The following AUTS2 variants were observed in gnomAD, a reference collection of about 807,000 sequenced individuals.
AUTS2 encodes activator of transcription and developmental regulator AUTS2.
AUTS2 carries 17 observed loss-of-function variants against 112.4 expected under a neutral mutation model. The observed-to-expected ratio is 0.15, with a 90% CI of 0.10 to 0.23. The LOEUF (loss-of-function observed/expected upper bound fraction) is 0.23, where lower values mean the gene tolerates loss of function less well. AUTS2 is among the 10% of genes least tolerant of loss of function. The probability of loss-of-function intolerance (pLI) is 1.00; values close to 1 mark genes in which losing one functional copy is unlikely to be tolerated. For missense variants in AUTS2, 1,510 were observed against 1,701.6 expected, an observed-to-expected ratio of 0.89 and a Z score of 1.98; for synonymous variants, 751 against 702.7, an observed-to-expected ratio of 1.07 and a Z score of -1.09.
chr7:70,630,146 G>A (rs1234147058), intron 5 of AUTS2, among the ~76,000 whole-genome samples: 5 of 152,264 alleles, frequency 3.3e-5, no homozygotes, highest in Admixed American at 6.5e-5. Flanking sequence ...CCTCCTCTGC[G>A]TGTGCCAGGA....
chr7:69,978,474 T>C (rs1045665612), intron 2 of AUTS2, among the ~76,000 whole-genome samples: 3 of 152,324 alleles, frequency 2.0e-5, no homozygotes, highest in African/African-American at 7.2e-5. Flanking sequence ...GATACTGAAT[T>C]AAGTGCAGGA....
intron 4 of AUTS2, among the ~76,000 whole-genome samples, chr7:70,272,208 A>C (rs1787725628): frequency 6.6e-6 from 1 of 151,984 alleles, no homozygotes. Context: ...TCAAAACCAA[A>C]CCAAGGGAAG....
chr7:70,143,726 A>G (rs1014580797), intron 4 of AUTS2, among the ~76,000 whole-genome samples: 1 of 152,182 alleles, frequency 6.6e-6, no homozygotes, highest in Non-Finnish European at 1.5e-5. Flanking sequence ...TTTCAAGTAG[A>G]AACATTGCCA....
At chr7:70,150,899 A>C (rs1807397272) in intron 4 of AUTS2, among the ~76,000 whole-genome samples, 1 of 152,272 alleles carries the variant, frequency 6.6e-6, no homozygotes, top group Non-Finnish European at 1.5e-5. Flanking sequence ...CAACCAAAAC[A>C]AAAGATAAAA....
At chr7:69,608,481 T>G (rs771749976) in intron 1 of AUTS2, among the ~76,000 whole-genome samples, 4 of 152,224 alleles carry the variant, frequency 2.6e-5, no homozygotes, top group Non-Finnish European at 4.4e-5. Context: ...TCTTAGTTGT[T>G]ATGTTGAAGT....
At chr7:70,195,802 T>C (rs918909975) in intron 4 of AUTS2, among the ~76,000 whole-genome samples, 14 of 152,178 alleles carry the variant, frequency 9.2e-5, no homozygotes, top group African/African-American at 2.9e-4. Context: ...TCTCTCTCAA[T>C]CCTAAAATAC....
intron 4 of AUTS2, among the ~76,000 whole-genome samples, chr7:70,358,225 A>G (rs1444298751): frequency 6.6e-6 from 1 of 152,224 alleles, no homozygotes; most frequent in Admixed American, 6.5e-5. Context: ...TTGTTGATCT[A>G]GATGGACAGA....
In AUTS2 at chr7:70,791,605, T is replaced by C. The variant is rs1047088159; in HGVS notation, c.*609T>C. ...ACAGCTAAACCCTTCAACTATGCAATGAATGTTCGGGCTTTTCACAAAAGC... is the reference window on the plus strand; with the variant it reads ...ACAGCTAAACCCTTCAACTATGCAACGAATGTTCGGGCTTTTCACAAAAGC... On this transcript the variant is annotated 3_prime_UTR_variant, in exon 19 of 19. Transcript: ENST00000342771. The C allele has an allele frequency of 6.5e-6, 1 of 152,672 alleles. No individual in the cohort carries two copies. Among genetic ancestry groups the C allele is most frequent in the Non-Finnish European group, 1.5e-5 (1 of 68,048 alleles). The allele number at this position is 152,672 out of a possible 1,614,324, so 9.5% of individuals were successfully genotyped here.
At chr7:69,703,983 T>C (rs1797941008) in intron 1 of AUTS2, among the ~76,000 whole-genome samples, 1 of 152,140 alleles carries the variant, frequency 6.6e-6, no homozygotes, top group African/African-American at 2.4e-5. Flanking sequence ...TCTTGGGAGG[T>C]CACAACGTCC....
At chr7:70,269,101 C>T (rs973604113) in intron 4 of AUTS2, among the ~76,000 whole-genome samples, 1 of 152,138 alleles carries the variant, frequency 6.6e-6, no homozygotes, top group Non-Finnish European at 1.5e-5. Flanking sequence ...ATCCTTAACC[C>T]AGATTTGCTT....
intron 4 of AUTS2, among the ~76,000 whole-genome samples, chr7:70,338,806 C>T (rs558607835): frequency 6.7e-6 from 1 of 150,086 alleles, no homozygotes; most frequent in African/African-American, 2.5e-5. Context: ...CTAGGCTGTT[C>T]CACCTAACCC....
chr7:70,242,884 G>T (rs1812696597), intron 4 of AUTS2, among the ~76,000 whole-genome samples: 1 of 152,164 alleles, frequency 6.6e-6, no homozygotes, highest in Non-Finnish European at 1.5e-5. Flanking sequence ...TGCTTTTCTA[G>T]AGGAGCAAAT....
Position 70,313,306 on chromosome 7 carries a change from A to T in AUTS2, c.661-122446A>T, listed in dbSNP as rs536412061. ...GTATTAGCTGAAACATTGTTTTCAT[A>T]AGTGCTCTGAAGCTACCAAGACCAT... On this transcript the variant is annotated intron_variant, in intron 4 of 18. Transcript: ENST00000342771. Among the ~76,000 whole-genome samples the T allele has an allele frequency of 4.6e-5, 7 of 152,330 alleles. No homozygotes were observed. The East Asian group carries it at 1.3e-3, about 29-fold the overall frequency.
At chr7:69,917,721 C>G (rs1490303404) in intron 2 of AUTS2, among the ~76,000 whole-genome samples, 1 of 152,054 alleles carries the variant, frequency 6.6e-6, no homozygotes, top group Non-Finnish European at 1.5e-5. Flanking sequence ...CTTTGCATAC[C>G]CATAGCTTAG....
chr7:69,685,512 C>T (rs182844643), intron 1 of AUTS2, among the ~76,000 whole-genome samples: 2 of 152,134 alleles, frequency 1.3e-5, no homozygotes, highest in Non-Finnish European at 2.9e-5. Flanking sequence ...GCTATTTGTC[C>T]AGGTAAACAA....
At chr7:70,606,045 C>G (rs928387059) in intron 5 of AUTS2, among the ~76,000 whole-genome samples, 1 of 152,214 alleles carries the variant, frequency 6.6e-6, no homozygotes, top group Non-Finnish European at 1.5e-5. Flanking sequence ...GCAGAAAATT[C>G]ACTTCTTGGA....
intron 4 of AUTS2, among the ~76,000 whole-genome samples, chr7:70,299,213 C>A (rs551650357): frequency 2.0e-5 from 3 of 152,110 alleles, no homozygotes; most frequent in Admixed American, 6.5e-5. Flanking sequence ...TCTGTTCATC[C>A]TTTTGTAATG....
intron 5 of AUTS2, among the ~76,000 whole-genome samples, chr7:70,550,286 C>A (rs1229349251): frequency 6.6e-6 from 1 of 152,138 alleles, no homozygotes; most frequent in African/African-American, 2.4e-5. Context: ...GATTCAAGTA[C>A]AATGCTTTAT....
chr7:70,487,336 T>TAA (rs1798053462), intron 5 of AUTS2, among the ~76,000 whole-genome samples: 1 of 152,250 alleles, frequency 6.6e-6, no homozygotes, highest in Non-Finnish European at 1.5e-5. Flanking sequence ...AGTGTTAATT[T>TAA]AATATGCTAA....
Sources: allele counts gnomAD v4.1 joint callset (sites outside exome capture counted in the v4.1 genomes callset), GRCh38; gene constraint gnomAD v4.1.1; transcripts MANE v1.5; gene names NCBI Gene and HGNC (gene_info 2026-07-23, HGNC 2026-07-21).